The following NELL1 variants were observed in gnomAD, a reference collection of about 807,000 sequenced individuals.
NELL1 encodes the protein neural EGFL like 1.
Under a neutral mutation model 107.4 loss-of-function variants are expected in NELL1, and 76 were observed. The observed-to-expected ratio is 0.71, with a 90% CI of 0.59 to 0.86. The LOEUF is 0.86. NELL1 is among the 40% of genes least tolerant of loss of function. The pLI is 0.00. For missense variants in NELL1, 1,024 were observed against 1,005.5 expected (o/e 1.02, Z -0.25); for synonymous variants, 353 against 341.2 (o/e 1.03, Z -0.38).
At position 21,534,342 on chromosome 11, in the gene NELL1, T is replaced by C. The variant is rs768855249; in HGVS notation, c.1646-32T>C. On this transcript the variant is annotated intron_variant, in intron 15 of 19. Transcript: ENST00000357134. ...AGGTTAGTGTCAAAAGAAATTAATA[T>C]CCTGGTGGGCTTGTGTTTTTCTCTG... The C allele has an allele frequency of 1.5e-5, 25 of 1,613,220 alleles. No individual in the cohort carries two copies. In the South Asian group the frequency reaches 2.7e-4, roughly 18 times the overall value.
chr11:20,973,904 G>A (rs928099106), intron 12 of NELL1, among the ~76,000 whole-genome samples: 8 of 152,130 alleles, frequency 5.3e-5, no homozygotes, highest in African/African-American at 1.9e-4. Flanking sequence ...AACTCTAATG[G>A]GAACTTTCTG....
At chr11:20,955,895 T>C (rs1851160189) in intron 11 of NELL1, among the ~76,000 whole-genome samples, 1 of 152,174 alleles carries the variant, frequency 6.6e-6, no homozygotes, top group Admixed American at 6.5e-5. Flanking sequence ...TGGAGTGATT[T>C]CCATATTTTT....
At chr11:21,216,083 C>T (rs1345121790) in intron 13 of NELL1, among the ~76,000 whole-genome samples, 1 of 152,090 alleles carries the variant, frequency 6.6e-6, no homozygotes, top group African/African-American at 2.4e-5. Context: ...GTTCCTGATG[C>T]TCCAACTATG....
rs865909870 is a variant in NELL1, at chr11:21,214,885, T to C, written c.1427-14447T>C. 2.6e-5 allele frequency among the ~76,000 whole-genome samples: 4 copies of C among 152,296 alleles called. No individual in the cohort carries two copies. In the South Asian group the frequency reaches 8.3e-4, roughly 32 times the overall value. On this transcript the variant is annotated intron_variant, in intron 13 of 19. Coordinates refer to ENST00000357134, the MANE Select transcript of NELL1 (RefSeq NM_006157.5). ...TACATGAGATAATATTGCATAGAAC[T>C]ATACACATACATAATACATACATGC...
intron 3 of NELL1, among the ~76,000 whole-genome samples, chr11:20,809,792 C>A (rs551565825): frequency 6.6e-6 from 1 of 152,268 alleles, no homozygotes; most frequent in East Asian, 1.9e-4. Context: ...TATACTGATT[C>A]CATATCTTGG....
intron 7 of NELL1, among the ~76,000 whole-genome samples, chr11:20,921,796 G>GGT (rs1554944636): frequency 2.2e-5 from 3 of 137,146 alleles, no homozygotes; most frequent in Non-Finnish European, 4.6e-5. Flanking sequence ...TTTATTGTGT[G>GGT]TGTTTTTTTT....
chr11:21,068,576 A>G (rs573268876), intron 12 of NELL1, among the ~76,000 whole-genome samples: 2 of 152,304 alleles, frequency 1.3e-5, no homozygotes, highest in East Asian at 3.9e-4. Context: ...CCTTCAACAC[A>G]CACATACACA....
At chr11:20,897,822 C>T (rs1436409503) in intron 5 of NELL1, among the ~76,000 whole-genome samples, 1 of 152,200 alleles carries the variant, frequency 6.6e-6, no homozygotes, top group Non-Finnish European at 1.5e-5. Context: ...AAAAAATGCT[C>T]ATCATCCCTG....
chr11:21,551,897 A>G (rs956219810), intron 16 of NELL1, among the ~76,000 whole-genome samples: 8 of 148,874 alleles, frequency 5.4e-5, no homozygotes, highest in Non-Finnish European at 1.0e-4. Flanking sequence ...CAAATGTCCA[A>G]CAATGATAGA....
intron 2 of NELL1, among the ~76,000 whole-genome samples, chr11:20,757,732 A>G (rs571054298): frequency 6.6e-6 from 1 of 152,086 alleles, no homozygotes; most frequent in African/African-American, 2.4e-5. Context: ...TCCTTTCTAA[A>G]CCGATTTTAC....
At chr11:21,199,061 T>C (rs1426064750) in intron 13 of NELL1, among the ~76,000 whole-genome samples, 1 of 152,146 alleles carries the variant, frequency 6.6e-6, no homozygotes, top group Non-Finnish European at 1.5e-5. Context: ...ATCTATTCTT[T>C]TTACATCTGG....
intron 13 of NELL1, among the ~76,000 whole-genome samples, chr11:21,207,375 G>A (rs554447804): frequency 6.2e-4 from 94 of 152,182 alleles, no homozygotes; most frequent in Non-Finnish European, 1.1e-3. Context: ...TTTGAACTGA[G>A]GTTCTTTCTC....
intron 2 of NELL1, among the ~76,000 whole-genome samples, chr11:20,704,594 T>C (rs1445284902): frequency 2.0e-5 from 3 of 152,230 alleles, no homozygotes; most frequent in Non-Finnish European, 4.4e-5. Context: ...AGTTTCTTCC[T>C]AGCCTTGATG....
intron 14 of NELL1, among the ~76,000 whole-genome samples, chr11:21,341,536 A>G (rs567777593): frequency 2.6e-5 from 4 of 152,304 alleles, no homozygotes; most frequent in South Asian, 4.1e-4. Flanking sequence ...AGTCTGGAGT[A>G]TATGTGATGA....
chr11:21,244,711 G>A (rs1478144832), intron 14 of NELL1, among the ~76,000 whole-genome samples: 1 of 152,118 alleles, frequency 6.6e-6, no homozygotes, highest in African/African-American at 2.4e-5. Flanking sequence ...TCTCTTCCAG[G>A]ATAGATACTC....
At chr11:21,263,848 A>C (rs2133925739) in intron 14 of NELL1, among the ~76,000 whole-genome samples, 1 of 151,982 alleles carries the variant, frequency 6.6e-6, no homozygotes, top group Non-Finnish European at 1.5e-5. Flanking sequence ...TAAGTTTTCA[A>C]AATTTTGTTG....
intron 2 of NELL1, among the ~76,000 whole-genome samples, chr11:20,678,427 A>T (rs1371374208): frequency 6.6e-6 from 1 of 152,178 alleles, no homozygotes; most frequent in Non-Finnish European, 1.5e-5. Context: ...TACATCTTTC[A>T]TCTAGTGGAT....
At chr11:21,562,542 T>A (rs558311566) in intron 17 of NELL1, among the ~76,000 whole-genome samples, 15 of 152,160 alleles carry the variant, frequency 9.9e-5, no homozygotes, top group Non-Finnish European at 2.2e-4. Flanking sequence ...ATTCTGTAAG[T>A]CACCATTATA....
At chr11:21,464,217 C>A (rs1328083484) in intron 15 of NELL1, among the ~76,000 whole-genome samples, 1 of 151,926 alleles carries the variant, frequency 6.6e-6, no homozygotes, top group Non-Finnish European at 1.5e-5. Context: ...AAATATACTC[C>A]CCTCTTTTTC....
Sources: gnomAD v4.1 joint callset for allele counts (sites outside exome capture counted in the v4.1 genomes callset) on GRCh38, gnomAD v4.1.1 for gene constraint, MANE v1.5 for transcripts, NCBI Gene and HGNC (gene_info 2026-07-23, HGNC 2026-07-21) for gene names.